Variants in ADAMTS17 observed in about 807,000 individuals in gnomAD.
The protein encoded by ADAMTS17 is ADAM metallopeptidase with thrombospondin type 1 motif 17, also known as A disintegrin and metalloproteinase with thrombospondin motifs 17.
ADAMTS17 carries 113 observed loss-of-function variants against 141.5 expected under a neutral mutation model. That is an observed-to-expected ratio of 0.80 (90% CI 0.69 to 0.93). The LOEUF is 0.93. ADAMTS17 is among the 40% of genes least tolerant of loss of function. The pLI is 0.00. For synonymous variants in ADAMTS17, 768 were observed against 630.6 expected, an observed-to-expected ratio of 1.22 and a Z score of -3.27; for missense variants, 1,659 against 1,517.9, an observed-to-expected ratio of 1.09 and a Z score of -1.54.
In ADAMTS17 at chr15:100,127,944, G is replaced by A. The variant is rs2037829343; in HGVS notation, c.1721+4063C>T. The stretch of plus-strand genomic sequence containing the variant: ...ATAAAAATAATACCTCTCCCATGGG[G>A]CTGCATTCAATAATTTCCTACATAA... On this transcript the variant is annotated intron_variant, in intron 12 of 21. Coordinates refer to ENST00000268070, the MANE Select transcript of ADAMTS17 (RefSeq NM_139057.4). 2.0e-5 allele frequency among the ~76,000 whole-genome samples: 3 copies of A among 152,004 alleles called. No individual in the cohort carries two copies. The South Asian group carries it at 6.2e-4, about 32-fold the overall frequency.
At chr15:100,161,970 G>A (rs540463165) in intron 8 of ADAMTS17, among the ~76,000 whole-genome samples, 1 of 151,872 alleles carries the variant, frequency 6.6e-6, no homozygotes, top group South Asian at 2.1e-4. Flanking sequence ...AGAGTAGACT[G>A]GGGGTCGCCA....
At chr15:100,340,933 T>C (rs960333735) in intron 2 of ADAMTS17, 106 bp downstream of exon 2, 3 of 1,470,684 alleles carry the variant, frequency 2.0e-6, no homozygotes, top group Admixed American at 4.0e-5. Context: ...CCGGTTCCCC[T>C]GGAGGCTGGA....
At chr15:100,178,060 T>C (rs1265205244) in intron 8 of ADAMTS17, among the ~76,000 whole-genome samples, 3 of 152,174 alleles carry the variant, frequency 2.0e-5, no homozygotes, top group Non-Finnish European at 4.4e-5. Flanking sequence ...ACCTATGTCA[T>C]TATGTTTGAA....
intron 6 of ADAMTS17, among the ~76,000 whole-genome samples, chr15:100,257,252 G>A (rs887442442): frequency 6.6e-6 from 1 of 152,150 alleles, no homozygotes; most frequent in Non-Finnish European, 1.5e-5. Flanking sequence ...CAATCTCCCT[G>A]TGAAAACATC....
intron 10 of ADAMTS17, among the ~76,000 whole-genome samples, chr15:100,149,226 A>C (rs1673272254): frequency 6.6e-6 from 1 of 152,220 alleles, no homozygotes; most frequent in Admixed American, 6.5e-5. Flanking sequence ...TGACTGATAC[A>C]TGTCCCAGGC....
chr15:100,337,223 G>A (rs1038220092), intron 2 of ADAMTS17, among the ~76,000 whole-genome samples: 2 of 152,182 alleles, frequency 1.3e-5, no homozygotes, highest in Non-Finnish European at 2.9e-5. Flanking sequence ...ATAAATTAGA[G>A]GTATGCATTC....
At position 100,337,921 on chromosome 15, in the gene ADAMTS17, TCA is replaced by T. The variant is rs1174404149; in HGVS notation, c.450+3116_450+3117del. 9.2e-5 allele frequency among the ~76,000 whole-genome samples: 14 copies of T among 152,198 alleles called. 1 individual carries two copies. The highest frequency in any genetic ancestry group is 2.6e-4 in the Admixed American group (4 of 15,282). On this transcript the variant is annotated intron_variant, in intron 2 of 21. Coordinates refer to ENST00000268070, the MANE Select transcript of ADAMTS17 (RefSeq NM_139057.4). ...CTGGCCTTCCACGATCCAGTCCTGA[TCA>T]CAGAGGCAGCTGATCCGAACTTACA...
intron 4 of ADAMTS17, among the ~76,000 whole-genome samples, chr15:100,265,336 C>T (rs749236257): frequency 6.6e-6 from 1 of 152,194 alleles, no homozygotes; most frequent in African/African-American, 2.4e-5. Context: ...GAAACTCATG[C>T]TCAGGAGAAG....
intron 3 of ADAMTS17, among the ~76,000 whole-genome samples, chr15:100,324,885 G>T (rs2045851949): frequency 6.6e-6 from 1 of 152,188 alleles, no homozygotes; most frequent in Non-Finnish European, 1.5e-5. Flanking sequence ...CTAAGAGGTA[G>T]ATGACATTAC....
chr15:100,162,433 TATATACACATATAGTTATATATATGCAC>T (rs201170827), intron 8 of ADAMTS17, among the ~76,000 whole-genome samples: 2,934 of 142,424 alleles, frequency 0.021, 48 homozygotes, highest in African/African-American at 0.042. Context: ...TATATAGTTA[TATATACACATATAGTTATATATATGCAC>T]ATATACACAT....
At chr15:100,005,949 T>TCCAGCCCCAGCC (rs148039873) in intron 18 of ADAMTS17, among the ~76,000 whole-genome samples, 21 of 151,930 alleles carry the variant, frequency 1.4e-4, no homozygotes, top group African/African-American at 2.2e-4. Flanking sequence ...GAAGCATCAC[T>TCCAGCCCCAGCC]CCAGCCCCAG....
intron 18 of ADAMTS17, among the ~76,000 whole-genome samples, chr15:100,012,436 T>C (rs1166028378): frequency 3.3e-5 from 5 of 152,336 alleles, no homozygotes; most frequent in African/African-American, 1.2e-4. Flanking sequence ...GCTTTTTAGT[T>C]CTTGGTTATG....
chr15:100,102,671 T>C (rs1029608648), intron 14 of ADAMTS17, among the ~76,000 whole-genome samples: 2 of 152,174 alleles, frequency 1.3e-5, no homozygotes, highest in African/African-American at 4.8e-5. Context: ...TTTCCTTTCG[T>C]AACTAGTGCG....
intron 15 of ADAMTS17, among the ~76,000 whole-genome samples, chr15:100,064,941 C>T (rs981041): frequency 0.88 from 134,621 of 152,236 alleles, 60,074 homozygotes; most frequent in South Asian, 0.97. Flanking sequence ...CAAATCCTAG[C>T]CCTGTTGTTC....
At chr15:100,067,900 T>C (rs1424460000) in intron 15 of ADAMTS17, among the ~76,000 whole-genome samples, 2 of 151,934 alleles carry the variant, frequency 1.3e-5, no homozygotes, top group Non-Finnish European at 1.5e-5. Flanking sequence ...TGTCGGAAAG[T>C]GGGTGCAGGA....
intron 18 of ADAMTS17, among the ~76,000 whole-genome samples, chr15:100,001,647 A>G (rs1012845947): frequency 1.3e-5 from 2 of 152,022 alleles, no homozygotes; most frequent in African/African-American, 4.8e-5. Flanking sequence ...CTTCCTCTCA[A>G]TTTTGATGTG....
chr15:100,079,330 C>T (rs1023686303), intron 15 of ADAMTS17, among the ~76,000 whole-genome samples: 2 of 152,096 alleles, frequency 1.3e-5, no homozygotes, highest in African/African-American at 4.8e-5. Context: ...TGTATTTATA[C>T]AATGTGATAT....
chr15:100,205,921 G>GT (rs2141679434), intron 7 of ADAMTS17, among the ~76,000 whole-genome samples: 1 of 152,258 alleles, frequency 6.6e-6, no homozygotes, highest in South Asian at 2.1e-4. Flanking sequence ...CCCAGGTCTG[G>GT]CCCCTCCAGA....
intron 3 of ADAMTS17, among the ~76,000 whole-genome samples, chr15:100,284,307 G>GT (rs1220337395): frequency 1.3e-5 from 2 of 152,172 alleles, no homozygotes; most frequent in Non-Finnish European, 2.9e-5. Flanking sequence ...GTGCGCTGTG[G>GT]TTTTCACAAG....
Sources: gnomAD v4.1 joint callset for allele counts (sites outside exome capture counted in the v4.1 genomes callset) on GRCh38, gnomAD v4.1.1 for gene constraint, MANE v1.5 for transcripts, NCBI Gene and HGNC (gene_info 2026-07-23, HGNC 2026-07-21) for gene names.